CAMK2G: variants seen among roughly 807,000 people sequenced by gnomAD.
The protein encoded by CAMK2G is calcium/calmodulin dependent protein kinase II gamma.
Under a neutral mutation model 88.7 loss-of-function variants are expected in CAMK2G, and 23 were observed. That is an observed-to-expected ratio of 0.26 (90% CI 0.19 to 0.37). The LOEUF is 0.37. Ranked by LOEUF, CAMK2G falls within the 10% of genes least tolerant of loss-of-function variation. The pLI is 1.00. For missense variants in CAMK2G, 476 were observed against 780.8 expected, an observed-to-expected ratio of 0.61 and a Z score of 4.65; for synonymous variants, 263 against 294.8, an observed-to-expected ratio of 0.89 and a Z score of 1.11.
In CAMK2G at chr10:73,839,762, A is replaced by G. The variant is rs1288110187; in HGVS notation, c.947-161T>C. Among the ~76,000 whole-genome samples the G allele has an allele frequency of 6.6e-6, 1 of 152,186 alleles. No individual in the cohort carries two copies. The highest frequency in any genetic ancestry group is 2.1e-4 in the South Asian group (1 of 4,838). ...GCAGGCTGAGGAGGTAGGCGCAGCC[A>G]GCCCTGCAGCAGTCTGGGGGCCTGG... On this transcript the variant is annotated intron_variant, in intron 12 of 22. Coordinates refer to ENST00000423381, the MANE Select transcript of CAMK2G (RefSeq NM_001367534.1). The surrounding 1 kb of genome is among the most constrained non-coding windows in gnomAD (Gnocchi z 4.2).
chr10:73,819,680 C>T (rs1356893897), intron 18 of CAMK2G, 35 bp from the exon 19 acceptor site: 2 of 1,338,160 alleles, frequency 1.5e-6, no homozygotes, highest in East Asian at 5.0e-5. Flanking sequence ...CAGGGCAAGG[C>T]AGAGCAGCCA....
At chr10:73,860,994 A>G in intron 2 of CAMK2G, 105 bp from the exon 3 acceptor site, 1 of 809,542 alleles carries the variant, frequency 1.2e-6, no homozygotes, top group Non-Finnish European at 2.1e-6. Context: ...TGCATTTGTG[A>G]TGATTTGCTG....
intron 15 of CAMK2G, among the ~76,000 whole-genome samples, chr10:73,826,710 A>G (rs2091053449): frequency 6.6e-6 from 1 of 152,214 alleles, no homozygotes; most frequent in Admixed American, 6.5e-5. Context: ...CAGGGCACAG[A>G]TGATACATCG....
intron 18 of CAMK2G, among the ~76,000 whole-genome samples, chr10:73,820,492 A>ATATATATATATT (rs1554995765): frequency 2.0e-5 from 1 of 51,052 alleles, no homozygotes; most frequent in African/African-American, 8.9e-5. Flanking sequence ...ATATATATAT[A>ATATATATATATT]TTTTTTTTTT....
At chr10:73,827,346 C>T (rs1283254890) in intron 15 of CAMK2G, among the ~76,000 whole-genome samples, 2 of 152,246 alleles carry the variant, frequency 1.3e-5, no homozygotes, top group Admixed American at 1.3e-4. Context: ...ACCACCACAC[C>T]TGGCTAATTT....
chr10:73,817,020 C>CA lies in CAMK2G; in HGVS notation c.1534+2dup. On this transcript the variant is annotated splice_region_variant and intron_variant, in intron 21 of 22. Transcript: ENST00000423381. Reference sequence around the variant, plus strand: ...AGTATATCAGCAGCACGAACCCACTCACGATTCTCAAAGTAAAACTTATGG... The same window carrying CA: ...AGTATATCAGCAGCACGAACCCACTCAACGATTCTCAAAGTAAAACTTATGG... The CA allele has an allele frequency of 6.2e-7, 1 of 1,614,124 alleles. No individual in the cohort carries two copies.
At chr10:73,862,384 G>A (rs1389186795) in intron 2 of CAMK2G, among the ~76,000 whole-genome samples, 2 of 145,236 alleles carry the variant, frequency 1.4e-5, no homozygotes, top group Admixed American at 7.2e-5. Flanking sequence ...CAAGCTCTTC[G>A]AAGGGCGGGG....
chr10:73,842,056 G>C lies in CAMK2G; in HGVS notation c.946+113C>G. The C allele has an allele frequency of 1.2e-6, 1 of 825,622 alleles. No homozygotes were observed. The highest frequency in any genetic ancestry group is 2.1e-6 in the Non-Finnish European group (1 of 466,494). 51.1% of individuals were successfully genotyped at this position (825,622 alleles called of 1,614,324 possible). On this transcript the variant is annotated intron_variant, in intron 12 of 22. Transcript: ENST00000423381. This position sits in a 1 kb window ranked among gnomAD's most constrained non-coding sequence, Gnocchi z 4.6. ...CAAAACAGGATCCTCACTCGCCCTG[G>C]TCAAGGTGTGGCCCAGGACGCCGAG... is the stretch of plus-strand genomic sequence containing the variant.
At chr10:73,828,349 C>T (rs1358740564) in intron 14 of CAMK2G, among the ~76,000 whole-genome samples, 2 of 152,162 alleles carry the variant, frequency 1.3e-5, no homozygotes, top group Non-Finnish European at 2.9e-5. Flanking sequence ...GGTTCATAGA[C>T]ACAGATTTAG....
chr10:73,829,830 T>C (rs1442512760), intron 14 of CAMK2G, among the ~76,000 whole-genome samples: 1 of 151,974 alleles, frequency 6.6e-6, no homozygotes, highest in South Asian at 2.1e-4. Context: ...CCTAGCAACA[T>C]GCCTTATAGT....
intron 21 of CAMK2G, among the ~76,000 whole-genome samples, chr10:73,815,497 G>A (rs1359187020): frequency 6.6e-6 from 1 of 151,872 alleles, no homozygotes; most frequent in African/African-American, 2.4e-5. Context: ...TTTTAATCAG[G>A]CATTGTGCTG....
intron 2 of CAMK2G, among the ~76,000 whole-genome samples, chr10:73,864,668 A>G (rs540464232): frequency 6.6e-6 from 1 of 151,844 alleles, no homozygotes; most frequent in Non-Finnish European, 1.5e-5. Context: ...TTTGAGATGG[A>G]GTCTTACTCT....
At chr10:73,867,754 G>A (rs1436460889) in intron 2 of CAMK2G, among the ~76,000 whole-genome samples, 2 of 152,156 alleles carry the variant, frequency 1.3e-5, no homozygotes, top group East Asian at 3.9e-4. Context: ...GGCCTAGATG[G>A]AGAGGTGTGA....
intron 1 of CAMK2G, among the ~76,000 whole-genome samples, chr10:73,873,744 G>C (rs992566729): frequency 1.7e-3 from 222 of 132,674 alleles, no homozygotes; most frequent in African/African-American, 6.0e-3. Context: ...GGCGGGGCGG[G>C]GGCTGCAGTG....
chr10:73,866,163 C>T (rs576259081), intron 2 of CAMK2G, among the ~76,000 whole-genome samples: 1 of 152,196 alleles, frequency 6.6e-6, no homozygotes, highest in Non-Finnish European at 1.5e-5. Context: ...CAACCTCTCC[C>T]GCCTTCTGCC....
At chr10:73,863,431 A>G (rs2135624952) in intron 2 of CAMK2G, among the ~76,000 whole-genome samples, 1 of 152,314 alleles carries the variant, frequency 6.6e-6, no homozygotes, top group East Asian at 1.9e-4. Flanking sequence ...ATCTGGCAGG[A>G]TGTTGACATG....
At chr10:73,861,547 G>A (rs940091300) in intron 2 of CAMK2G, among the ~76,000 whole-genome samples, 5 of 152,126 alleles carry the variant, frequency 3.3e-5, no homozygotes, top group Non-Finnish European at 7.4e-5. Context: ...GTAGAGACGG[G>A]GTTTCACCAC....
At chr10:73,873,454 A>G in intron 1 of CAMK2G, 1 of 1,084,798 alleles carries the variant, frequency 9.2e-7, no homozygotes, top group Non-Finnish European at 1.1e-6. Flanking sequence ...GAGCAGAGAG[A>G]CCCTGCCCTT....
At chr10:73,836,416 T>C (rs773201657) in intron 14 of CAMK2G, among the ~76,000 whole-genome samples, 15 of 152,162 alleles carry the variant, frequency 9.9e-5, no homozygotes, top group Non-Finnish European at 1.0e-4. Flanking sequence ...TCTCTCCAAC[T>C]AAACCTGCCC....
Sources: allele counts gnomAD v4.1 joint callset (sites outside exome capture counted in the v4.1 genomes callset), GRCh38; gene constraint gnomAD v4.1.1; non-coding constraint Gnocchi (gnomAD v3.1); transcripts MANE v1.5; gene names NCBI Gene and HGNC (gene_info 2026-07-23, HGNC 2026-07-21).